Variants in SIPA1L3 observed in about 807,000 individuals in gnomAD.
SIPA1L3 encodes the protein signal-induced proliferation-associated 1-like protein 3.
In SIPA1L3, 59 loss-of-function variants were observed where a neutral mutation model predicts 150.1. The ratio of observed to expected loss-of-function variants is 0.39; its 90% confidence interval spans 0.32 to 0.49. SIPA1L3 has a LOEUF of 0.49. Ranked by LOEUF, SIPA1L3 falls within the 20% of genes least tolerant of loss-of-function variation. The probability of loss-of-function intolerance (pLI) is 0.86; values close to 1 mark genes in which losing one functional copy is unlikely to be tolerated. For synonymous variants in SIPA1L3, 1,070 were observed against 1,077.6 expected (o/e 0.99, Z 0.14); for missense variants, 2,211 against 2,489.5 (o/e 0.89, Z 2.38).
Position 38,171,452 on chromosome 19 carries a change from GCA to G in SIPA1L3, c.4208+6549_4208+6550del, listed in dbSNP as rs1972326337. ...TTGTTGCCCAGGCTGCAGTGCAATG[GCA>G]CAGTCTCAGCTCACTGCAACCTCTG... is the stretch of plus-strand genomic sequence containing the variant. On this transcript the variant is annotated intron_variant, in intron 15 of 21. Coordinates refer to ENST00000222345, the MANE Select transcript of SIPA1L3 (RefSeq NM_015073.3). Among the ~76,000 whole-genome samples, 3 of 147,236 alleles carry G rather than the reference GCA, an allele frequency of 2.0e-5. No homozygotes were observed. In the Admixed American group the frequency reaches 2.1e-4, roughly 10 times the overall value.
intron 12 of SIPA1L3, among the ~76,000 whole-genome samples, chr19:38,146,583 G>C (rs369237622): frequency 2.4e-4 from 37 of 152,280 alleles, no homozygotes; most frequent in East Asian, 1.3e-3. Context: ...TAAATGCCCA[G>C]GAGTACAATT....
intron 18 of SIPA1L3, among the ~76,000 whole-genome samples, chr19:38,194,579 C>A (rs1426736468): frequency 7.2e-5 from 11 of 152,214 alleles, no homozygotes; most frequent in Admixed American, 6.5e-5. Context: ...AGCATCTGCA[C>A]ACTTACTCTC....
chr19:38,118,456 T>C (rs1970940140), intron 8 of SIPA1L3, among the ~76,000 whole-genome samples: 1 of 152,096 alleles, frequency 6.6e-6, no homozygotes, highest in Non-Finnish European at 1.5e-5. Flanking sequence ...AAAACAGGAA[T>C]AAGTGAACAG....
chr19:38,065,381 ACT>A (rs908663399), intron 2 of SIPA1L3, among the ~76,000 whole-genome samples: 20 of 137,860 alleles, frequency 1.5e-4, no homozygotes, highest in Middle Eastern at 7.9e-3. Flanking sequence ...GGTGACTCTC[ACT>A]CTGCTCATGT....
chr19:38,148,747 TC>T (rs148560999), intron 12 of SIPA1L3, among the ~76,000 whole-genome samples: 1 of 152,172 alleles, frequency 6.6e-6, no homozygotes, highest in Non-Finnish European at 1.5e-5. Flanking sequence ...CCAACCCTGC[TC>T]CCCGTAAGGT....
intron 2 of SIPA1L3, among the ~76,000 whole-genome samples, chr19:38,050,459 T>TAAC (rs1969165851): frequency 1.3e-5 from 2 of 152,180 alleles, no homozygotes; most frequent in South Asian, 2.1e-4. Flanking sequence ...GTCTCAACAA[T>TAAC]AACAACAACA....
intron 12 of SIPA1L3, among the ~76,000 whole-genome samples, chr19:38,151,825 G>A (rs332846): frequency 0.6 from 91,543 of 151,788 alleles, 28,044 homozygotes; most frequent in African/African-American, 0.68. Flanking sequence ...TTAGCCGGGC[G>A]TGTAACATGC....
intron 7 of SIPA1L3, chr19:38,109,387 A>G (rs1411151091): frequency 1.3e-5 from 2 of 152,108 alleles, no homozygotes; most frequent in Non-Finnish European, 2.9e-5. Flanking sequence ...TGATTCAGTT[A>G]CCTCCCACCA....
intron 1 of SIPA1L3, among the ~76,000 whole-genome samples, chr19:37,930,024 A>AT (rs1568467656): frequency 2.0e-5 from 2 of 98,456 alleles, no homozygotes; most frequent in Admixed American, 2.1e-4. Flanking sequence ...GTGCCTGGCA[A>AT]ATTTTTTTTT....
chr19:38,017,831 C>T (rs1216831456), intron 1 of SIPA1L3, among the ~76,000 whole-genome samples: 2 of 152,118 alleles, frequency 1.3e-5, no homozygotes, highest in African/African-American at 4.8e-5. Flanking sequence ...TGCCTGGCCT[C>T]TCTCTGCTTC....
At chr19:38,131,470 G>A (rs1211841178) in intron 10 of SIPA1L3, among the ~76,000 whole-genome samples, 1 of 152,132 alleles carries the variant, frequency 6.6e-6, no homozygotes, top group Non-Finnish European at 1.5e-5. Flanking sequence ...CATGTGGCTG[G>A]AGCAGAGCGA....
chr19:37,978,520 T>A (rs1234889936), intron 1 of SIPA1L3, among the ~76,000 whole-genome samples: 1 of 152,194 alleles, frequency 6.6e-6, no homozygotes, highest in Non-Finnish European at 1.5e-5. Context: ...AACTTGCCTG[T>A]TGTGTGCACA....
intron 1 of SIPA1L3, among the ~76,000 whole-genome samples, chr19:37,953,548 A>G (rs199972685): frequency 2.0e-5 from 3 of 149,782 alleles, no homozygotes; most frequent in Non-Finnish European, 4.4e-5. Flanking sequence ...GTGTGTGTGT[A>G]TGTGTGTGCA....
intron 1 of SIPA1L3, among the ~76,000 whole-genome samples, chr19:37,976,571 C>T (rs1025720799): frequency 6.6e-6 from 1 of 152,066 alleles, no homozygotes; most frequent in East Asian, 1.9e-4. Flanking sequence ...TTCTTGGGCA[C>T]TTTTTTAGGG....
At chr19:38,013,303 A>G (rs189313253) in intron 1 of SIPA1L3, among the ~76,000 whole-genome samples, 2 of 152,266 alleles carry the variant, frequency 1.3e-5, no homozygotes, top group African/African-American at 4.8e-5. Context: ...GCAAAGAACG[A>G]CCTGAAGGAG....
At chr19:38,020,791 A>T (rs546683512) in intron 1 of SIPA1L3, among the ~76,000 whole-genome samples, 2 of 150,948 alleles carry the variant, frequency 1.3e-5, no homozygotes, top group South Asian at 4.2e-4. Flanking sequence ...CCCACAATTC[A>T]TCTCTGAGTT....
intron 1 of SIPA1L3, among the ~76,000 whole-genome samples, chr19:37,928,360 C>T (rs1372477824): frequency 6.6e-6 from 1 of 152,080 alleles, no homozygotes. Context: ...CATTTGAGGC[C>T]AGGAGTTCGA....
chr19:37,951,630 G>A (rs8113820), intron 1 of SIPA1L3, among the ~76,000 whole-genome samples: 65,458 of 151,862 alleles, frequency 0.43, 15,228 homozygotes, highest in Middle Eastern at 0.59. Flanking sequence ...CAGGCGCAGC[G>A]GCTCACACCT....
chr19:38,076,545 A>G (rs910859198), intron 2 of SIPA1L3, among the ~76,000 whole-genome samples: 1 of 152,230 alleles, frequency 6.6e-6, no homozygotes, highest in Non-Finnish European at 1.5e-5. Flanking sequence ...CAAATTGCAC[A>G]TCGCAGTAAA....
Sources: allele counts gnomAD v4.1 joint callset (sites outside exome capture counted in the v4.1 genomes callset), GRCh38; gene constraint gnomAD v4.1.1; transcripts MANE v1.5; gene names NCBI Gene and HGNC (gene_info 2026-07-23, HGNC 2026-07-21).